Variants in USP25 observed in about 807,000 individuals in gnomAD.
USP25 encodes ubiquitin carboxyl-terminal hydrolase 25.
USP25 carries 85 observed loss-of-function variants against 158.5 expected under a neutral mutation model. That is an observed-to-expected ratio of 0.54 (90% CI 0.45 to 0.64). The LOEUF (loss-of-function observed/expected upper bound fraction) is 0.64, where lower values mean the gene tolerates loss of function less well. Among genes scored for constraint, USP25 ranks in the 30% least tolerant of loss-of-function variants. The pLI, the probability that USP25 is intolerant of heterozygous loss-of-function variation, is 0.00. For missense variants in USP25, 1,242 were observed against 1,327.3 expected, an observed-to-expected ratio of 0.94 and a Z score of 1.00; for synonymous variants, 464 against 460.4, an observed-to-expected ratio of 1.01 and a Z score of -0.10.
At chr21:15,754,881 T>TA (rs1248327490) in intron 1 of USP25, among the ~76,000 whole-genome samples, 5 of 152,206 alleles carry the variant, frequency 3.3e-5, no homozygotes, top group African/African-American at 1.2e-4. Context: ...GGTTTGGACT[T>TA]ACAAACATGA....
chr21:15,739,199 T>C (rs183355455), intron 1 of USP25, among the ~76,000 whole-genome samples: 157 of 152,288 alleles, frequency 1.0e-3, no homozygotes, highest in Non-Finnish European at 1.3e-3. Flanking sequence ...TTTCCTGTAC[T>C]AGCAAATACT....
At chr21:15,777,495 G>A (rs1023109742) in intron 3 of USP25, among the ~76,000 whole-genome samples, 2 of 152,098 alleles carry the variant, frequency 1.3e-5, no homozygotes, top group African/African-American at 4.8e-5. Context: ...ATGTCTAGAT[G>A]GTAGTAGTAT....
At chr21:15,848,900 T>A (rs2038755862) in intron 19 of USP25, among the ~76,000 whole-genome samples, 1 of 152,192 alleles carries the variant, frequency 6.6e-6, no homozygotes, top group Non-Finnish European at 1.5e-5. Context: ...TCTCTTGATT[T>A]CTGTAAGATA....
chr21:15,872,362 G>A (rs1369880012), intron 23 of USP25, among the ~76,000 whole-genome samples: 4 of 152,140 alleles, frequency 2.6e-5, no homozygotes, highest in East Asian at 1.9e-4. Flanking sequence ...AACATTTTGC[G>A]TACCTCAGTA....
At chr21:15,733,470 T>C (rs1394048290) in intron 1 of USP25, among the ~76,000 whole-genome samples, 2 of 152,002 alleles carry the variant, frequency 1.3e-5, no homozygotes, top group East Asian at 3.9e-4. Flanking sequence ...TGGTGGCTCA[T>C]GCTTTAATCC....
rs1306721832 is a variant in USP25, at chr21:15,827,151, G to C, written c.1641G>C (p.Val547=). The stretch of plus-strand genomic sequence containing the variant: ...ACATAACGGAGGAAGAACTTTCTGT[G>C]CTGGAAAGTTGTTTACATCGCTGGA... ...PRHITEEELS[V]LESCLHRWRT... is the part of the protein sequence containing the mutation. The change falls in exon 14 of 26, where the codon GTG becomes GTC. Residue 547 remains valine (V), a synonymous_variant. Coordinates refer to ENST00000400183, the MANE Select transcript of USP25 (RefSeq NM_001283041.3). 25 of 1,614,194 alleles carry C rather than the reference G, an allele frequency of 1.5e-5. No individual in the cohort carries two copies. The highest frequency in any genetic ancestry group is 2.0e-5 in the Non-Finnish European group (24 of 1,180,030).
chr21:15,783,361 CCTTCTGCA>C (rs2123543396), intron 4 of USP25, among the ~76,000 whole-genome samples: 1 of 152,266 alleles, frequency 6.6e-6, no homozygotes, highest in South Asian at 2.1e-4. Flanking sequence ...TTGCCTGTGT[CCTTCTGCA>C]CTTCTTGGAA....
intron 7 of USP25, among the ~76,000 whole-genome samples, chr21:15,808,202 A>C (rs562897497): frequency 6.6e-6 from 1 of 152,158 alleles, no homozygotes; most frequent in Non-Finnish European, 1.5e-5. Flanking sequence ...TTATTGAAAG[A>C]ATTATGGTAG....
intron 20 of USP25, among the ~76,000 whole-genome samples, chr21:15,858,198 T>G (rs147051494): frequency 1.2e-3 from 187 of 152,198 alleles, no homozygotes; most frequent in African/African-American, 4.3e-3. Context: ...CTTCTGATGA[T>G]TTTTAAAATC....
intron 23 of USP25, among the ~76,000 whole-genome samples, chr21:15,871,633 T>C (rs1481531669): frequency 6.6e-6 from 1 of 152,216 alleles, no homozygotes; most frequent in Non-Finnish European, 1.5e-5. Context: ...TCCGGATAGC[T>C]TCTGTATTAG....
chr21:15,870,020 T>C, intron 22 of USP25, 48 bp from the exon 23 acceptor site: 1 of 1,420,240 alleles, frequency 7.0e-7, no homozygotes, highest in Non-Finnish European at 9.7e-7. Flanking sequence ...TTCATAGTAC[T>C]TTTTAAATCT....
At chr21:15,746,108 A>G (rs1367497548) in intron 1 of USP25, among the ~76,000 whole-genome samples, 2 of 152,158 alleles carry the variant, frequency 1.3e-5, no homozygotes, top group African/African-American at 4.8e-5. Flanking sequence ...TGTGCCTTGA[A>G]GTGGGTGAAT....
intron 1 of USP25, among the ~76,000 whole-genome samples, chr21:15,750,598 C>G (rs1490564791): frequency 4.6e-5 from 7 of 151,034 alleles, no homozygotes; most frequent in African/African-American, 1.7e-4. Context: ...ATATGGTTAA[C>G]TTTTTCCCCT....
intron 9 of USP25, among the ~76,000 whole-genome samples, chr21:15,815,724 G>C (rs773844009): frequency 1.3e-5 from 2 of 152,090 alleles, no homozygotes; most frequent in Admixed American, 6.5e-5. Context: ...CTCTTCTCAG[G>C]AAAAAAATCA....
At chr21:15,877,708 A>T (rs1269040087) in intron 24 of USP25, 88 bp from the exon 25 acceptor site, 2 of 924,114 alleles carry the variant, frequency 2.2e-6, no homozygotes, top group African/African-American at 1.7e-5. Flanking sequence ...GAACATATTT[A>T]TGTTGTCTTC....
Position 15,730,414 on chromosome 21 carries a change from G to C in USP25, c.21G>C (p.Val7=), listed in dbSNP as rs2030680057. The change falls in exon 1 of 26, where the codon GTG becomes GTC. Residue 7 remains valine (V), a synonymous_variant. Transcript: ENST00000400183. ...GGGCCATGACCGTGGAGCAGAACGT[G>C]CTGCAGCAGAGCGCGGCGCAGAAGG... MTVEQN[V]LQQSAAQKHQ... 5 of 1,352,454 alleles carry C rather than the reference G, an allele frequency of 3.7e-6. No individual in the cohort carries two copies. Among genetic ancestry groups the C allele is most frequent in the Non-Finnish European group, 4.8e-6 (5 of 1,043,522 alleles). 83.8% of individuals were successfully genotyped at this position (1,352,454 alleles called of 1,614,324 possible).
chr21:15,743,751 T>G (rs1423970602), intron 1 of USP25, among the ~76,000 whole-genome samples: 1 of 152,124 alleles, frequency 6.6e-6, no homozygotes, highest in South Asian at 2.1e-4. Flanking sequence ...CCTGCCTGCC[T>G]AGGAGTTGGT....
At chr21:15,819,944 C>G (rs551432887) in intron 10 of USP25, among the ~76,000 whole-genome samples, 2 of 152,106 alleles carry the variant, frequency 1.3e-5, no homozygotes, top group South Asian at 4.1e-4. Context: ...CTCTCTACAT[C>G]GTAGATCATC....
intron 1 of USP25, among the ~76,000 whole-genome samples, chr21:15,746,014 A>C (rs1227680062): frequency 1.3e-5 from 2 of 152,196 alleles, no homozygotes; most frequent in Non-Finnish European, 2.9e-5. Context: ...TTAATTGATC[A>C]TGTATGAGTG....
Sources: allele counts gnomAD v4.1 joint callset (sites outside exome capture counted in the v4.1 genomes callset), GRCh38; gene constraint gnomAD v4.1.1; transcripts MANE v1.5; gene names NCBI Gene and HGNC (gene_info 2026-07-23, HGNC 2026-07-21).